NOL4: variants seen among roughly 807,000 people sequenced by gnomAD.
The protein encoded by NOL4 is nucleolar protein 4, also known as cancer/testis antigen 125.
Under a neutral mutation model 75.9 loss-of-function variants are expected in NOL4, and 17 were observed. The observed-to-expected ratio is 0.22, with a 90% confidence interval of 0.15 to 0.34. The LOEUF is 0.34. NOL4 is among the 10% of genes least tolerant of loss of function. NOL4 has a pLI of 1.00. For missense variants in NOL4, 614 were observed against 793.5 expected, an observed-to-expected ratio of 0.77 and a Z score of 2.72; for synonymous variants, 292 against 289.9, an observed-to-expected ratio of 1.01 and a Z score of -0.07.
chr18:34,115,782 C>T (rs1380292703), intron 2 of NOL4, among the ~76,000 whole-genome samples: 1 of 152,122 alleles, frequency 6.6e-6, no homozygotes, highest in Non-Finnish European at 1.5e-5. Context: ...TAAATTTCTG[C>T]TCTAATCTCA....
At chr18:34,153,394 T>C (rs1367934389) in intron 1 of NOL4, among the ~76,000 whole-genome samples, 1 of 151,964 alleles carries the variant, frequency 6.6e-6, no homozygotes, top group East Asian at 1.9e-4. Context: ...ATTAAAACTA[T>C]TAGGTGAAAA....
chr18:34,004,425 T>C (rs1178931894), intron 6 of NOL4, among the ~76,000 whole-genome samples: 1 of 152,244 alleles, frequency 6.6e-6, no homozygotes, highest in Non-Finnish European at 1.5e-5. Flanking sequence ...CATTCATTTA[T>C]AGTTATAACA....
intron 9 of NOL4, among the ~76,000 whole-genome samples, chr18:33,886,935 T>A (rs941718334): frequency 9.7e-5 from 13 of 134,258 alleles, no homozygotes; most frequent in Non-Finnish European, 1.6e-4. Flanking sequence ...TATCTATATA[T>A]CTATATATCT....
chr18:34,093,916 C>T (rs991488459), intron 4 of NOL4, among the ~76,000 whole-genome samples: 10 of 152,014 alleles, frequency 6.6e-5, no homozygotes, highest in African/African-American at 9.7e-5. Flanking sequence ...GCGGTGAGTG[C>T]CTGTAGTCCC....
chr18:33,942,273 T>C (rs1358130059), intron 9 of NOL4, among the ~76,000 whole-genome samples: 1 of 151,874 alleles, frequency 6.6e-6, no homozygotes, highest in African/African-American at 2.4e-5. Context: ...CAAGTGAAAA[T>C]GTGGCAAAGT....
rs550587041 is a variant in NOL4, at chr18:33,980,136, C to A, written c.1057-21718G>T. Among the ~76,000 whole-genome samples the A allele has an allele frequency of 2.6e-5, 4 of 151,950 alleles. No homozygotes were observed. In the East Asian group the frequency reaches 5.8e-4, roughly 22 times the overall value. ...TGAGGTTCTAGGTCAGATTGCTATT[C>A]AAAAAATCAGACAGACAAACAGGTA... is the stretch of plus-strand genomic sequence containing the variant. On this transcript the variant is annotated intron_variant, in intron 6 of 10. Coordinates refer to ENST00000261592, the MANE Select transcript of NOL4 (RefSeq NM_003787.5).
chr18:33,892,484 G>A (rs776189441), intron 9 of NOL4, among the ~76,000 whole-genome samples: 1 of 151,972 alleles, frequency 6.6e-6, no homozygotes, highest in Non-Finnish European at 1.5e-5. Flanking sequence ...ATCATTATGA[G>A]TTCCCAAAGT....
At chr18:34,082,223 G>C (rs1305466305) in intron 5 of NOL4, among the ~76,000 whole-genome samples, 4 of 152,076 alleles carry the variant, frequency 2.6e-5, no homozygotes, top group Non-Finnish European at 4.4e-5. Context: ...TACACAGCTG[G>C]GCTTGTGGCA....
rs1398922492 is a variant in NOL4, at chr18:34,114,579, G to A, written c.415-9419C>T. ...TATTTCTTACAAATGTTGTTTTCTA[G>A]GAATCTAGATTTGTTTTCTTATGCT... On this transcript the variant is annotated intron_variant, in intron 2 of 10. Coordinates refer to ENST00000261592, the MANE Select transcript of NOL4 (RefSeq NM_003787.5). Among the ~76,000 whole-genome samples the A allele has an allele frequency of 2.6e-5, 4 of 152,174 alleles. No individual in the cohort carries two copies. In the East Asian group the frequency reaches 7.7e-4, roughly 29 times the overall value.
At chr18:33,906,679 T>G (rs1232244590) in intron 9 of NOL4, among the ~76,000 whole-genome samples, 1 of 152,184 alleles carries the variant, frequency 6.6e-6, no homozygotes, top group Non-Finnish European at 1.5e-5. Flanking sequence ...AACAAATTAA[T>G]TTTTTTCTTT....
chr18:34,060,991 C>T (rs2145126847), intron 5 of NOL4, among the ~76,000 whole-genome samples: 1 of 152,276 alleles, frequency 6.6e-6, no homozygotes, highest in Middle Eastern at 3.4e-3. Context: ...ATTTCTCAGA[C>T]ATTCAGCATT....
chr18:34,012,458 T>C (rs1192926673), intron 6 of NOL4, among the ~76,000 whole-genome samples: 1 of 151,872 alleles, frequency 6.6e-6, no homozygotes, highest in Non-Finnish European at 1.5e-5. Context: ...TGAGCAGAAC[T>C]GAAGAATATG....
chr18:34,100,989 G>T (rs1396660941), intron 4 of NOL4, among the ~76,000 whole-genome samples: 4 of 152,022 alleles, frequency 2.6e-5, no homozygotes, highest in Admixed American at 6.6e-5. Context: ...TACTTGTTCA[G>T]ATTAAAGACC....
At chr18:34,204,190 A>T (rs1324200689) in intron 1 of NOL4, among the ~76,000 whole-genome samples, 1 of 152,004 alleles carries the variant, frequency 6.6e-6, no homozygotes, top group Non-Finnish European at 1.5e-5. Flanking sequence ...TTCTCCCATG[A>T]TCTGATTATT....
At chr18:34,045,394 C>G (rs2076321275) in intron 5 of NOL4, among the ~76,000 whole-genome samples, 1 of 152,120 alleles carries the variant, frequency 6.6e-6, no homozygotes, top group Non-Finnish European at 1.5e-5. Context: ...ATTCATCTTA[C>G]TCAACATTTG....
intron 4 of NOL4, among the ~76,000 whole-genome samples, chr18:34,098,652 C>G (rs2078900877): frequency 6.6e-6 from 1 of 152,198 alleles, no homozygotes; most frequent in African/African-American, 2.4e-5. Context: ...TGAAAAACAT[C>G]TAATTTCTCC....
At chr18:34,082,411 T>C (rs2078052350) in intron 5 of NOL4, among the ~76,000 whole-genome samples, 1 of 152,076 alleles carries the variant, frequency 6.6e-6, no homozygotes, top group African/African-American at 2.4e-5. Context: ...TAGTAAAAAC[T>C]TTAAAAAGCT....
chr18:34,042,234 C>T (rs2076171762), intron 5 of NOL4, among the ~76,000 whole-genome samples: 1 of 151,922 alleles, frequency 6.6e-6, no homozygotes, highest in African/African-American at 2.4e-5. Flanking sequence ...TTGAATAAGG[C>T]TACATACACA....
intron 1 of NOL4, among the ~76,000 whole-genome samples, chr18:34,184,015 C>T (rs908915129): frequency 3.3e-5 from 5 of 151,182 alleles, no homozygotes; most frequent in African/African-American, 1.2e-4. Context: ...TAAAAAAATG[C>T]AACTGATAGG....
Sources: allele counts gnomAD v4.1 joint callset (sites outside exome capture counted in the v4.1 genomes callset), GRCh38; gene constraint gnomAD v4.1.1; transcripts MANE v1.5; gene names NCBI Gene and HGNC (gene_info 2026-07-23, HGNC 2026-07-21).